PDHA1: variants seen among roughly 807,000 people sequenced by gnomAD.
PDHA1 encodes pyruvate dehydrogenase E1 subunit alpha 1.
A neutral mutation model predicts 33.0 loss-of-function variants in PDHA1; 1 was observed. That is an observed-to-expected ratio of 0.03 (90% CI 0.01 to 0.14). The LOEUF is 0.14. Among genes scored for constraint, PDHA1 ranks in the 10% least tolerant of loss-of-function variants. PDHA1 has a pLI of 1.00. For synonymous variants in PDHA1, 123 were observed against 119.2 expected, an observed-to-expected ratio of 1.03 and a Z score of -0.21; for missense variants, 168 against 325.1, an observed-to-expected ratio of 0.52 and a Z score of 3.72.
At position 19,350,466 on chromosome X, in the gene PDHA1, A is replaced by G. The variant is rs939317151; in HGVS notation, c.291+356A>G. Reference sequence around the variant, plus strand: ...TTTTTTGGAGATACGGGGTTTCACTATGTTGCCCAGGCTAGTCTCAAACTT... The same window carrying G: ...TTTTTTGGAGATACGGGGTTTCACTGTGTTGCCCAGGCTAGTCTCAAACTT... On this transcript the variant is annotated intron_variant, in intron 3 of 10. Coordinates refer to ENST00000422285, the MANE Select transcript of PDHA1 (RefSeq NM_000284.4). Among the ~76,000 whole-genome samples the G allele has an allele frequency of 1.1e-4, 12 of 111,653 alleles. No individual in the cohort carries two copies. The East Asian group carries it at 1.4e-3, about 13-fold the overall frequency.
chrX:19,359,074 AC>A (rs2063234968), intron 10 of PDHA1, 50 bp downstream of exon 10: 1 of 786,542 alleles, frequency 1.3e-6, no homozygotes, highest in African/African-American at 2.0e-5. Context: ...AAAAGTTGCC[AC>A]CCCTGGGTGG....
In PDHA1 at chrX:19,361,389, C is replaced by G; in HGVS notation, c.*1736C>G. The G allele has an allele frequency of 8.3e-7, 1 of 1,208,945 alleles. No homozygotes were observed. Among genetic ancestry groups the G allele is most frequent in the Non-Finnish European group, 1.1e-6 (1 of 893,108 alleles). On this transcript the variant is annotated 3_prime_UTR_variant, in exon 11 of 11. Transcript: ENST00000422285. ...CCTTAGTGATCTCATTAAGAATATCCGAAAGTGTATAACCCTCTTCAACAA... is the reference window on the plus strand; with the variant it reads ...CCTTAGTGATCTCATTAAGAATATCGGAAAGTGTATAACCCTCTTCAACAA...
chrX:19,358,736 TAAC>T (rs1035196002), intron 9 of PDHA1, among the ~76,000 whole-genome samples, 177 bp from the exon 10 acceptor site: 8 of 111,943 alleles, frequency 7.1e-5, no homozygotes, highest in Non-Finnish European at 9.4e-5. Flanking sequence ...TTTGAAAGTA[TAAC>T]AACAACTCTG....
chrX:19,353,233 A>G, intron 5 of PDHA1, 60 bp downstream of exon 5: 1 of 913,013 alleles, frequency 1.1e-6, no homozygotes. Flanking sequence ...TGTCTTCAAA[A>G]ACTTTCACAG....
rs1054740600 is a variant in PDHA1, at chrX:19,353,388, C to G, written c.510+215C>G. 4.2e-5 allele frequency: 19 copies of G among 449,232 alleles called. No individual in the cohort carries two copies. The African/African-American group carries it at 4.6e-4, about 11-fold the overall frequency. The allele number at this position is 449,232 out of a possible 1,213,427, so 37.0% of individuals were successfully genotyped here. A position where few individuals can be genotyped will look rare whatever the true frequency, so the allele number is the denominator to read the frequency against. ...CTAGTGATGTTGTAGTGGCACAACA[C>G]ATTACCTTTTCTACGTTTAGGTACA... is the stretch of plus-strand genomic sequence containing the variant. On this transcript the variant is annotated intron_variant, in intron 5 of 10. Coordinates refer to ENST00000422285, the MANE Select transcript of PDHA1 (RefSeq NM_000284.4).
Position 19,359,501 on chromosome X carries a change from G to C in PDHA1, c.1021G>C (p.Glu341Gln), listed in dbSNP as rs755090271. The C allele has an allele frequency of 1.7e-6, 2 of 1,209,309 alleles. No homozygotes were observed. The highest frequency in any genetic ancestry group is 4.4e-5 in the Admixed American group (2 of 45,950). The change falls in exon 11 of 11, where the codon GAA (glutamate) becomes CAA (glutamine). Residue 341 changes from glutamate to glutamine, a missense_variant. Glu to Gln is a conservative substitution (Grantham distance 29). Around this residue, in one of 5 missense-constraint regions of PDHA1, gnomAD observed 58 missense variants for 63.4 expected, o/e 0.92. Transcript: ENST00000422285. Reference sequence around the variant, plus strand: ...ACCTAATTTTTAGGAAATTGATGTGGAAGTGAGGAAGGAGATTGAGGATGC... The same window carrying C: ...ACCTAATTTTTAGGAAATTGATGTGCAAGTGAGGAAGGAGATTGAGGATGC... ...SVEELKEIDV[E>Q]VRKEIEDAAQ...
chrX:19,361,470 G>T lies in PDHA1; in HGVS notation c.*1817G>T. 2 of 1,196,830 alleles carry T rather than the reference G, an allele frequency of 1.7e-6. No homozygotes were observed. The highest frequency in any genetic ancestry group is 2.3e-6 in the Non-Finnish European group (2 of 882,464). Reference sequence around the variant, plus strand: ...GAGCAGCTGTGTAACAACAGCATAAGAATTTCTTTGTTGTAAATTTACCTT... The same window carrying T: ...GAGCAGCTGTGTAACAACAGCATAATAATTTCTTTGTTGTAAATTTACCTT... On this transcript the variant is annotated 3_prime_UTR_variant, in exon 11 of 11. Coordinates refer to ENST00000422285, the MANE Select transcript of PDHA1 (RefSeq NM_000284.4).
In PDHA1 at chrX:19,355,484, G is replaced by T; in HGVS notation, c.739G>T (p.Asp247Tyr). Residue 247 changes from aspartate to tyrosine, a missense_variant, in exon 7 of 11, where the codon GAT becomes TAT. Coordinates refer to ENST00000422285, the MANE Select transcript of PDHA1 (RefSeq NM_000284.4). ...AASTDYYKRG[D>Y]FIPGLRVDGM... ...CAGCACTGATTACTACAAGAGAGGC[G>T]ATTTCATTCCTGGGCTGAGAGTAAG... 1.7e-6 allele frequency: 2 copies of T among 1,211,354 alleles called. No homozygotes were observed. The highest frequency in any genetic ancestry group is 3.0e-5 in the East Asian group (1 of 33,855).
chrX:19,355,797 C>A, intron 8 of PDHA1, 40 bp downstream of exon 8: 1 of 1,039,495 alleles, frequency 9.6e-7, no homozygotes, highest in Non-Finnish European at 1.4e-6. Flanking sequence ...ACATTTATCT[C>A]TGGAAGTTCA....
At chrX:19,352,653 C>T (rs2063171506) in intron 4 of PDHA1, among the ~76,000 whole-genome samples, 2 of 112,476 alleles carry the variant, frequency 1.8e-5, no homozygotes, top group African/African-American at 6.4e-5. Context: ...TCCATATCTT[C>T]GGGTTTGCAT....
intron 8 of PDHA1, among the ~76,000 whole-genome samples, chrX:19,357,220 A>G (rs745717321): frequency 8.9e-6 from 1 of 111,765 alleles, no homozygotes; most frequent in East Asian, 2.8e-4. Context: ...TGATCCTCCC[A>G]AGTAGCTGGG....
In PDHA1 at chrX:19,346,685, A is replaced by G. The variant is rs12387382; in HGVS notation, c.57+2591A>G. The G allele has an allele frequency of 0.029, 23,434 of 797,547 alleles. 416 individuals are homozygous for G. Among genetic ancestry groups the G allele is most frequent in the South Asian group, 0.13 (1,873 of 13,895 alleles). The allele number at this position is 797,547 out of a possible 1,213,427, so 65.7% of individuals were successfully genotyped here. A position where few individuals can be genotyped will look rare whatever the true frequency, so the allele number is the denominator to read the frequency against. ...GTCTCATCAAAGAGTGTTTGGTGTG[A>G]AACTTTGAAATGAATATCAAGATTG... On this transcript the variant is annotated intron_variant, in intron 1 of 10. Coordinates refer to ENST00000422285, the MANE Select transcript of PDHA1 (RefSeq NM_000284.4).
At chrX:19,346,701 A>G in intron 1 of PDHA1, 1 of 675,258 alleles carries the variant, frequency 1.5e-6, no homozygotes. Flanking sequence ...TGAAATGAAT[A>G]TCAAGATTGT....
Position 19,360,563 on chromosome X carries a change from T to TATGTTTATAAATAACAGGTTTC in PDHA1, c.*912_*933dup. The stretch of plus-strand genomic sequence containing the variant: ...ACTGTTTTCACAATACACACAGTTC[T>TATGTTTATAAATAACAGGTTTC]ATGTTTATAAATAACAGGTTTCAAA... On this transcript the variant is annotated 3_prime_UTR_variant, in exon 11 of 11. Transcript: ENST00000422285. 1 of 398,742 alleles carries TATGTTTATAAATAACAGGTTTC rather than the reference T, an allele frequency of 2.5e-6. No homozygotes were observed. 32.9% of individuals were successfully genotyped at this position (398,742 alleles called of 1,213,427 possible).
At chrX:19,354,616 C>T (rs776993593) in intron 6 of PDHA1, 33 bp downstream of exon 6, 32 of 853,638 alleles carry the variant, frequency 3.7e-5, no homozygotes, top group Middle Eastern at 2.7e-4. Context: ...CAAAAACAGT[C>T]TTATTTTCAA....
intron 1 of PDHA1, among the ~76,000 whole-genome samples, chrX:19,348,227 T>C (rs2063145167): frequency 8.9e-6 from 1 of 112,507 alleles, no homozygotes; most frequent in Non-Finnish European, 1.9e-5. Context: ...TAGAATACTT[T>C]TGCTGTGAGC....
chrX:19,354,689 C>T (rs894577263), intron 6 of PDHA1, 106 bp downstream of exon 6: 23 of 585,740 alleles, frequency 3.9e-5, no homozygotes, highest in Non-Finnish European at 2.1e-5. Flanking sequence ...GGTGAAATAG[C>T]AAGTCCTATG....
chrX:19,351,091 CAT>C (rs772777481), intron 3 of PDHA1, among the ~76,000 whole-genome samples, 188 bp from the exon 4 acceptor site: 1 of 112,300 alleles, frequency 8.9e-6, no homozygotes, highest in East Asian at 2.8e-4. Flanking sequence ...GGAAGTGGCA[CAT>C]GTGTGGGTTG....
At chrX:19,345,207 T>C (rs1036213026) in intron 1 of PDHA1, among the ~76,000 whole-genome samples, 2 of 110,874 alleles carry the variant, frequency 1.8e-5, no homozygotes, top group Non-Finnish European at 3.8e-5. Flanking sequence ...TTGATACCGC[T>C]CTACTTAGTA....
Sources: gnomAD v4.1 joint callset for allele counts (sites outside exome capture counted in the v4.1 genomes callset) on GRCh38, gnomAD v4.1.1 for gene constraint, gnomAD v4.1.1 regional missense constraint, MANE v1.5 for transcripts, NCBI Gene and HGNC (gene_info 2026-07-23, HGNC 2026-07-21) for gene names.